Variants in MSRB1 observed in about 807,000 individuals in gnomAD.
The protein encoded by MSRB1 is methionine sulfoxide reductase B1, also known as methionine-R-sulfoxide reductase B1.
Under a neutral mutation model 15.2 loss-of-function variants are expected in MSRB1, and 13 were observed. The ratio of observed to expected loss-of-function variants is 0.86; its 90% CI spans 0.56 to 1.36. MSRB1 has a LOEUF of 1.36. MSRB1 is among the 40% of genes most tolerant of loss of function. The pLI is 0.00. For synonymous variants in MSRB1, 68 were observed against 64.5 expected (o/e 1.05, Z -0.26); for missense variants, 174 against 155.9 (o/e 1.12, Z -0.62).
chr16:1,941,170 GT>G, intron 2 of MSRB1, 86 bp downstream of exon 2: 1 of 1,578,154 alleles, frequency 6.3e-7, no homozygotes, highest in Non-Finnish European at 8.6e-7. Flanking sequence ...CCCTGGAGCT[GT>G]GGGGCAAGCA....
At chr16:1,939,164 C>T in intron 3 of MSRB1, 21 bp from the exon 4 acceptor site, 5 of 1,593,846 alleles carry the variant, frequency 3.1e-6, no homozygotes, top group East Asian at 2.3e-5. Flanking sequence ...GGAGAGGGGG[C>T]GGAAAGTATG....
chr16:1,940,432 C>G (rs1429853216), intron 3 of MSRB1, among the ~76,000 whole-genome samples: 2 of 152,224 alleles, frequency 1.3e-5, no homozygotes, highest in African/African-American at 4.8e-5. Context: ...CAGTCCTAGC[C>G]AGTGGGAGAC....
rs868711794 is a variant in MSRB1, at chr16:1,939,026, G to A, written c.*86C>T. On this transcript the variant is annotated 3_prime_UTR_variant, in exon 4 of 4. Coordinates refer to ENST00000361871, the MANE Select transcript of MSRB1 (RefSeq NM_016332.4). ...CCACTGCGCCCTGCCTTCCTGTCTC[G>A]ACGCCCAGGGTTCCAACTCCAAGGT... 25 of 1,534,582 alleles carry A rather than the reference G, an allele frequency of 1.6e-5. No homozygotes were observed. In the African/African-American group the frequency reaches 1.8e-4, roughly 11 times the overall value.
At position 1,943,115 on chromosome 16, in the gene MSRB1, A is replaced by T; in HGVS notation, c.42T>A (p.Asn14Lys). The change falls in exon 1 of 4, where the codon AAT (asparagine) becomes AAA (lysine). Residue 14 changes from asparagine to lysine, a missense_variant. By Grantham distance (94) the Asn-to-Lys change is moderately conservative. Transcript: ENST00000361871. ...CSFFGGEVFQNHFEPGVYVCA... is the reference protein window; with the variant it reads ...CSFFGGEVFQKHFEPGVYVCA... ...CGCAGGACCAACCAGGTTCAAAGTG[A>T]TTCTGGAAAACCTCGCCCCCGAAGA... The T allele has an allele frequency of 6.4e-7, 1 of 1,560,892 alleles. No individual in the cohort carries two copies.
At chr16:1,940,482 G>A (rs1448077009) in intron 3 of MSRB1, among the ~76,000 whole-genome samples, 7 of 152,318 alleles carry the variant, frequency 4.6e-5, no homozygotes, top group Non-Finnish European at 7.4e-5. Context: ...TGCCTGCCCC[G>A]CCCCTGACTC....
chr16:1,941,856 C>T (rs1169824278), intron 1 of MSRB1: 2 of 170,466 alleles, frequency 1.2e-5, no homozygotes, highest in South Asian at 1.2e-4. Flanking sequence ...TGCTGCCCAA[C>T]GAGGCCCTAA....
In MSRB1 at chr16:1,938,740, T is replaced by A. The variant is rs2150855505; in HGVS notation, c.*372A>T. 3.3e-6 allele frequency: 1 copy of A among 300,630 alleles called. No individual in the cohort carries two copies. The highest frequency in any genetic ancestry group is 1.0e-4 in the East Asian group (1 of 9,786). 18.6% of individuals were successfully genotyped at this position (300,630 alleles called of 1,614,324 possible). ...TGAGGACGAGAGTCTGTCTTGGAAT[T>A]GGGCCTCACAGGGGAGAGTCCAGAG... On this transcript the variant is annotated 3_prime_UTR_variant, in exon 4 of 4. Coordinates refer to ENST00000361871, the MANE Select transcript of MSRB1 (RefSeq NM_016332.4).
intron 3 of MSRB1, among the ~76,000 whole-genome samples, chr16:1,940,171 C>T (rs1419299738): frequency 6.6e-6 from 1 of 151,690 alleles, no homozygotes; most frequent in African/African-American, 2.4e-5. Flanking sequence ...ACTTGGGAGG[C>T]CAAGACAGGA....
intron 1 of MSRB1, 93 bp downstream of exon 1, chr16:1,943,009 T>C (rs2150858469): frequency 1.3e-6 from 2 of 1,507,976 alleles, no homozygotes; most frequent in Non-Finnish European, 1.8e-6. Flanking sequence ...ATTCCCGGCT[T>C]GGGAGAGACA....
chr16:1,941,564 G>A, intron 1 of MSRB1, 159 bp from the exon 2 acceptor site: 5 of 991,842 alleles, frequency 5.0e-6, no homozygotes, highest in Admixed American at 5.8e-5. Context: ...GCTGTGCTGA[G>A]CTCACGTTTA....
chr16:1,940,842 G>C lies in MSRB1; in HGVS notation c.255C>G (p.Asp85Glu), dbSNP rs775096631. ...GNGLGHEFLN[D>E]GPKPGQSRFU... ...ATCGGGACTGCCCCGGCTTGGGGCCGTCGTTCAGGAACTCGTGGCCCAACC... is the reference window on the plus strand; with the variant it reads ...ATCGGGACTGCCCCGGCTTGGGGCCCTCGTTCAGGAACTCGTGGCCCAACC... Residue 85 changes from aspartate (D) to glutamate (E), a missense_variant, in exon 3 of 4, where the codon GAC becomes GAG. By Grantham distance (45) the Asp-to-Glu change is conservative. Transcript: ENST00000361871. The C allele has an allele frequency of 1.2e-6, 2 of 1,614,018 alleles. No homozygotes were observed. The highest frequency in any genetic ancestry group is 2.7e-5 in the African/African-American group (2 of 74,942).
At chr16:1,941,172 G>A in intron 2 of MSRB1, 85 bp downstream of exon 2, 8 of 1,579,768 alleles carry the variant, frequency 5.1e-6, no homozygotes, top group Non-Finnish European at 6.9e-6. Flanking sequence ...CTGGAGCTGT[G>A]GGGCAAGCAG....
intron 1 of MSRB1, 49 bp downstream of exon 1, chr16:1,943,050 AATG>A: frequency 2.6e-6 from 4 of 1,544,360 alleles, no homozygotes; most frequent in Non-Finnish European, 3.5e-6. Context: ...CGCCCCCGCT[AATG>A]CGCGCCCCCC....
At chr16:1,939,233 G>A in intron 3 of MSRB1, 90 bp from the exon 4 acceptor site, 1 of 1,413,058 alleles carries the variant, frequency 7.1e-7, no homozygotes, top group Admixed American at 2.2e-5. Flanking sequence ...GAAAGCCAGG[G>A]TAGGGGCAGA....
At chr16:1,940,719 C>T (rs1251796008) in intron 3 of MSRB1, 59 bp downstream of exon 3, 7 of 1,553,700 alleles carry the variant, frequency 4.5e-6, no homozygotes, top group Non-Finnish European at 6.1e-6. Flanking sequence ...AACACTGGGC[C>T]CCCCAGCCTG....
chr16:1,942,477 T>C (rs550298061), intron 1 of MSRB1, among the ~76,000 whole-genome samples: 22 of 152,366 alleles, frequency 1.4e-4, no homozygotes, highest in African/African-American at 4.3e-4. Flanking sequence ...CCATCCTGCC[T>C]GCCTGGTCAA....
chr16:1,940,984 C>A, intron 2 of MSRB1, 92 bp from the exon 3 acceptor site: 1 of 1,584,474 alleles, frequency 6.3e-7, no homozygotes, highest in Non-Finnish European at 8.6e-7. Flanking sequence ...GTGTTTCTTC[C>A]CACACGCCTA....
rs776606559 is a variant in MSRB1, at chr16:1,941,355, T to G, written c.106A>C (p.Lys36Gln). ...CGYELFSSRS[K>Q]YAHSSPWPAF... is the part of the protein sequence containing the mutation. ...GGCCATGGAGACGAGTGTGCATACTTCGAGCGGCTGGAGAACAGCTCATAG... is the reference window on the plus strand; with the variant it reads ...GGCCATGGAGACGAGTGTGCATACTGCGAGCGGCTGGAGAACAGCTCATAG... Residue 36 changes from lysine (K) to glutamine (Q), a missense_variant, in exon 2 of 4, where the codon AAG (lysine) becomes CAG (glutamine). Coordinates refer to ENST00000361871, the MANE Select transcript of MSRB1 (RefSeq NM_016332.4). The G allele has an allele frequency of 6.2e-7, 1 of 1,613,780 alleles. No individual in the cohort carries two copies. Among genetic ancestry groups the G allele is most frequent in the South Asian group, 1.1e-5 (1 of 91,054 alleles).
rs2083091235 is a variant in MSRB1 at position 1,943,129 on chromosome 16, CG to C, written c.27del (p.Glu10ArgfsTer58). On this transcript the variant is annotated frameshift_variant, in exon 1 of 4. Transcript: ENST00000361871. LOFTEE classifies it high-confidence loss of function. ...GGTTCAAAGTGATTCTGGAAAACCTCGCCCCCGAAGAAGCTGCAGAACGACA... is the reference window on the plus strand; with the variant it reads ...GGTTCAAAGTGATTCTGGAAAACCTCCCCCCGAAGAAGCTGCAGAACGACA... The part of the protein sequence containing the change: MSFCSFFG[G>X]EVFQNHFEPG... 6.4e-7 allele frequency: 1 copy of C among 1,562,468 alleles called. No individual in the cohort carries two copies. Among genetic ancestry groups the C allele is most frequent in the African/African-American group, 1.4e-5 (1 of 73,468 alleles).
Sources: gnomAD v4.1 joint callset for allele counts (sites outside exome capture counted in the v4.1 genomes callset) on GRCh38, gnomAD v4.1.1 for gene constraint, MANE v1.5 for transcripts, NCBI Gene and HGNC (gene_info 2026-07-23, HGNC 2026-07-21) for gene names.